Variants in KLHL5 observed in about 807,000 individuals in gnomAD.
KLHL5 encodes kelch like family member 5.
Under a neutral mutation model 77.7 loss-of-function variants are expected in KLHL5, and 48 were observed. The observed-to-expected ratio is 0.62, with a 90% CI of 0.49 to 0.79. The LOEUF is 0.79. Among genes scored for constraint, KLHL5 ranks in the 30% least tolerant of loss-of-function variants. KLHL5 has a pLI of 0.00. For missense variants in KLHL5, 723 were observed against 859.7 expected, an observed-to-expected ratio of 0.84 and a Z score of 1.99; for synonymous variants, 260 against 297.0, an observed-to-expected ratio of 0.88 and a Z score of 1.28.
At chr4:39,068,985 A>T (rs940518357) in intron 1 of KLHL5, among the ~76,000 whole-genome samples, 1 of 152,212 alleles carries the variant, frequency 6.6e-6, no homozygotes, top group African/African-American at 2.4e-5. Flanking sequence ...ATCACCTCAT[A>T]GGTGGGCAAG....
chr4:39,128,177 T>G (rs1301524069), downstream of KLHL5, among the ~76,000 whole-genome samples: 1 of 152,168 alleles, frequency 6.6e-6, no homozygotes, highest in East Asian at 1.9e-4. Flanking sequence ...CTGCAGCACT[T>G]AGCACTTTAT....
intron 1 of KLHL5, among the ~76,000 whole-genome samples, chr4:39,071,062 G>A: frequency 6.6e-6 from 1 of 152,060 alleles, no homozygotes; most frequent in South Asian, 2.1e-4. Context: ...TTAAATTTCT[G>A]TTTTTGTCTG....
At chr4:39,095,595 A>G (rs899938314) in intron 5 of KLHL5, among the ~76,000 whole-genome samples, 1 of 151,942 alleles carries the variant, frequency 6.6e-6, no homozygotes, top group African/African-American at 2.4e-5. Flanking sequence ...GTATGTTTAC[A>G]TATACACGTA....
At chr4:39,129,693 G>C (rs1723724996), downstream of KLHL5, among the ~76,000 whole-genome samples, 1 of 152,070 alleles carries the variant, frequency 6.6e-6, no homozygotes, top group Non-Finnish European at 1.5e-5. This position sits in a 1 kb window ranked among gnomAD's most constrained non-coding sequence, Gnocchi z 4.2. Flanking sequence ...AGTGTCTATT[G>C]TTCCATCTTT....
In KLHL5 at chr4:39,125,195, T is replaced by G. The variant is rs986930148; in HGVS notation, c.*4129T>G. 6.6e-6 allele frequency among the ~76,000 whole-genome samples: 1 copy of G among 151,990 alleles called. No homozygotes were observed. Among genetic ancestry groups the G allele is most frequent in the Non-Finnish European group, 1.5e-5 (1 of 67,998 alleles). On this transcript the variant is annotated 3_prime_UTR_variant, in exon 11 of 11. Coordinates refer to ENST00000504108, the MANE Select transcript of KLHL5 (RefSeq NM_015990.5). ...AAATGAATAATAGAGAAAATAAATG[T>G]TAGAGAGGATGTGGAGAAATTGAAA...
Position 39,076,180 on chromosome 4 carries a change from A to G in KLHL5, c.566+33A>G, listed in dbSNP as rs771716526. 7 of 1,565,492 alleles carry G rather than the reference A, an allele frequency of 4.5e-6. No homozygotes were observed. In the Admixed American group the frequency reaches 1.0e-4, roughly 23 times the overall value. On this transcript the variant is annotated intron_variant, in intron 2 of 10. Coordinates refer to ENST00000504108, the MANE Select transcript of KLHL5 (RefSeq NM_015990.5). ...TTTTCTATATTTCTGTATGTGTGAA[A>G]TATTTCCTCGGTAATTTAGATATGT...
At chr4:39,075,135 C>G (rs923766741) in intron 1 of KLHL5, among the ~76,000 whole-genome samples, 24 of 151,924 alleles carry the variant, frequency 1.6e-4, no homozygotes, top group African/African-American at 5.6e-4. Context: ...AGTTCGAGAC[C>G]AGCCTGACCA....
chr4:39,086,369 C>G, intron 4 of KLHL5, 146 bp from the exon 5 acceptor site: 1 of 642,782 alleles, frequency 1.6e-6, no homozygotes, highest in Non-Finnish European at 2.7e-6. Flanking sequence ...TGCTGTGTTT[C>G]TTTCCTAACA....
At chr4:39,126,630 G>A (rs1401986708), downstream of KLHL5, 2 of 428,396 alleles carry the variant, frequency 4.7e-6, no homozygotes, top group Non-Finnish European at 9.3e-6. Context: ...TCTTTGCCCA[G>A]GTTCAAGCTG....
chr4:39,054,409 T>C (rs1314984228), intron 1 of KLHL5, among the ~76,000 whole-genome samples: 1 of 152,226 alleles, frequency 6.6e-6, no homozygotes, highest in Non-Finnish European at 1.5e-5. Flanking sequence ...GGGGCAGGAA[T>C]GACCCCTGTT....
chr4:39,061,674 A>G (rs769515914), upstream of KLHL5, among the ~76,000 whole-genome samples: 6 of 152,196 alleles, frequency 3.9e-5, no homozygotes, highest in Non-Finnish European at 8.8e-5. Flanking sequence ...TTGTACACCC[A>G]ATAGTCCTAT....
chr4:39,065,381 A>C (rs1717798799), intron 1 of KLHL5, among the ~76,000 whole-genome samples: 1 of 145,950 alleles, frequency 6.9e-6, no homozygotes, highest in Non-Finnish European at 1.5e-5. Context: ...TTTGAGACAG[A>C]GTCTCGCTCT....
the KLHL5 span, among the ~76,000 whole-genome samples, chr4:39,134,664 T>C: frequency 5.9e-5 from 9 of 152,360 alleles, no homozygotes; most frequent in Non-Finnish European, 1.3e-4. Context: ...CTGCCTATGG[T>C]GTGCCTGAAT....
At position 39,124,819 on chromosome 4, in the gene KLHL5, A is replaced by AAAAAAAAAAAAAAAAAAAAAAAAAAC. The variant is rs1723431871; in HGVS notation, c.*3760_*3761insAAAAAAAAAAAAAAAAAACAAAAAAA. 6.6e-6 allele frequency among the ~76,000 whole-genome samples: 1 copy of AAAAAAAAAAAAAAAAAAAAAAAAAAC among 150,530 alleles called. No individual in the cohort carries two copies. The highest frequency in any genetic ancestry group is 1.5e-5 in the Non-Finnish European group (1 of 67,594). ...AACAACAGCAAAAAAAAAAAAAAAA[A>AAAAAAAAAAAAAAAAAAAAAAAAAAC]AAAAAAATCAAAATTAAAAGCTTCT... On this transcript the variant is annotated 3_prime_UTR_variant, in exon 11 of 11. Coordinates refer to ENST00000504108, the MANE Select transcript of KLHL5 (RefSeq NM_015990.5).
At chr4:39,131,757 G>A (rs1723807909), downstream of KLHL5, among the ~76,000 whole-genome samples, 2 of 152,102 alleles carry the variant, frequency 1.3e-5, no homozygotes, top group Admixed American at 1.3e-4. Flanking sequence ...GTGTGGTGGT[G>A]CATGCTTGTA....
At chr4:39,118,253 G>C (rs1290891450) in intron 10 of KLHL5, among the ~76,000 whole-genome samples, 1 of 152,002 alleles carries the variant, frequency 6.6e-6, no homozygotes, top group Non-Finnish European at 1.5e-5. Context: ...GCACTGTACA[G>C]GATGAGGAAT....
chr4:39,048,293 T>C (rs1365720944), intron 1 of KLHL5, among the ~76,000 whole-genome samples: 1 of 152,056 alleles, frequency 6.6e-6, no homozygotes, highest in Non-Finnish European at 1.5e-5. Flanking sequence ...GTTTGGATAA[T>C]GAGGGGCACT....
At chr4:39,095,656 A>G (rs1429527712) in intron 5 of KLHL5, among the ~76,000 whole-genome samples, 2 of 151,744 alleles carry the variant, frequency 1.3e-5, no homozygotes, top group African/African-American at 4.8e-5. Flanking sequence ...TACTGAAACA[A>G]AATTGATGTC....
intron 1 of KLHL5, among the ~76,000 whole-genome samples, chr4:39,063,979 TATC>T (rs750804983): frequency 2.4e-4 from 36 of 152,292 alleles, no homozygotes; most frequent in Admixed American, 9.8e-4. Context: ...ACAAATAGCT[TATC>T]ATTTGTCTAA....
Sources: allele counts gnomAD v4.1 joint callset (sites outside exome capture counted in the v4.1 genomes callset), GRCh38; gene constraint gnomAD v4.1.1; non-coding constraint Gnocchi (gnomAD v3.1); transcripts MANE v1.5; gene names NCBI Gene and HGNC (gene_info 2026-07-23, HGNC 2026-07-21).